Variants in TIAM1 observed in about 807,000 individuals in gnomAD.
The protein encoded by TIAM1 is rho guanine nucleotide exchange factor TIAM1.
Under a neutral mutation model 163.5 loss-of-function variants are expected in TIAM1, and 65 were observed. The observed-to-expected ratio is 0.40, with a 90% CI of 0.33 to 0.49. The LOEUF is 0.49. TIAM1 is among the 20% of genes least tolerant of loss of function. The pLI is 0.77. For missense variants in TIAM1, 1,789 were observed against 2,044.7 expected, an observed-to-expected ratio of 0.87 and a Z score of 2.41; for synonymous variants, 833 against 810.1, an observed-to-expected ratio of 1.03 and a Z score of -0.48.
At chr21:31,233,329 GA>G (rs1458449661) in intron 6 of TIAM1, among the ~76,000 whole-genome samples, 1 of 152,168 alleles carries the variant, frequency 6.6e-6, no homozygotes, top group Non-Finnish European at 1.5e-5. Context: ...TGTGAATTCT[GA>G]AAAGGCTTTT....
At chr21:31,289,305 C>A (rs1277866292) in intron 2 of TIAM1, among the ~76,000 whole-genome samples, 1 of 152,102 alleles carries the variant, frequency 6.6e-6, no homozygotes. Flanking sequence ...AGTGACTTGG[C>A]CCAACTCTCC....
Position 31,274,591 on chromosome 21 carries a change from C to G in TIAM1, c.-12+2141G>C, listed in dbSNP as rs755149895. On this transcript the variant is annotated intron_variant, in intron 3 of 27. Transcript: ENST00000541036. ...GACAGCAGGACAGGATGCCTCACCC[C>G]CTAGCTGAAGAACAGGAAACTTCCA... 3.9e-5 allele frequency among the ~76,000 whole-genome samples: 6 copies of G among 152,296 alleles called. No individual in the cohort carries two copies. The East Asian group carries it at 5.8e-4, about 15-fold the overall frequency.
chr21:31,404,916 T>G (rs2077222330), intron 2 of TIAM1, among the ~76,000 whole-genome samples: 1 of 152,168 alleles, frequency 6.6e-6, no homozygotes, highest in Non-Finnish European at 1.5e-5. Context: ...CTGTTCCTCC[T>G]AGATCCTAAT....
chr21:31,442,070 A>ATATATATATATATATATATATATATATAT (rs2044441960), intron 2 of TIAM1, among the ~76,000 whole-genome samples: 15 of 53,228 alleles, frequency 2.8e-4, no homozygotes, highest in African/African-American at 4.7e-4. Context: ...CAAATAAATA[A>ATATATATATATATATATATATATATATAT]ATATATATAT....
intron 15 of TIAM1, among the ~76,000 whole-genome samples, chr21:31,178,332 G>A (rs1333553902): frequency 1.8e-5 from 2 of 110,308 alleles, no homozygotes; most frequent in African/African-American, 3.2e-5. Context: ...TTTTTGAGAC[G>A]GAGTCTCGCT....
intron 25 of TIAM1, among the ~76,000 whole-genome samples, chr21:31,128,946 A>C (rs1696452287): frequency 1.4e-5 from 2 of 140,158 alleles, no homozygotes; most frequent in South Asian, 2.3e-4. Flanking sequence ...ATCCAGTTTT[A>C]CTGCTTATGA....
chr21:31,353,755 A>G (rs2076270642), intron 2 of TIAM1, among the ~76,000 whole-genome samples: 1 of 151,202 alleles, frequency 6.6e-6, no homozygotes, highest in African/African-American at 2.4e-5. Flanking sequence ...TCACTACTGC[A>G]TTTGGGCTAC....
At chr21:31,378,549 AG>A (rs1177222715) in intron 2 of TIAM1, among the ~76,000 whole-genome samples, 1 of 152,200 alleles carries the variant, frequency 6.6e-6, no homozygotes, top group Non-Finnish European at 1.5e-5. Flanking sequence ...CAAATCCGCA[AG>A]GATCCCTGCT....
chr21:31,255,129 T>C (rs1390356269), intron 4 of TIAM1, among the ~76,000 whole-genome samples: 1 of 152,150 alleles, frequency 6.6e-6, no homozygotes, highest in Non-Finnish European at 1.5e-5. Flanking sequence ...AAGGAAGTGA[T>C]TACTCCAGGT....
chr21:31,388,535 A>G (rs977751689), intron 2 of TIAM1, among the ~76,000 whole-genome samples: 4 of 152,090 alleles, frequency 2.6e-5, no homozygotes, highest in African/African-American at 9.7e-5. Flanking sequence ...ATGCACACCT[A>G]TAGTCCCAGC....
intron 1 of TIAM1, among the ~76,000 whole-genome samples, chr21:31,512,142 G>A (rs1012233178): frequency 6.6e-6 from 1 of 151,970 alleles, no homozygotes; most frequent in African/African-American, 2.4e-5. Flanking sequence ...TGTTGCCCAG[G>A]CTGGAGTACA....
intron 2 of TIAM1, among the ~76,000 whole-genome samples, chr21:31,329,387 C>T (rs554514740): frequency 2.0e-5 from 3 of 152,320 alleles, no homozygotes; most frequent in African/African-American, 4.8e-5. Context: ...TGCTCACTTT[C>T]GTGCTAAGGT....
intron 2 of TIAM1, among the ~76,000 whole-genome samples, chr21:31,422,007 G>A (rs2043593981): frequency 6.6e-6 from 1 of 151,990 alleles, no homozygotes; most frequent in South Asian, 2.1e-4. Context: ...CTAGATAGGT[G>A]ACAGAATGAC....
chr21:31,199,924 A>AC (rs948216654), intron 12 of TIAM1, among the ~76,000 whole-genome samples: 26 of 151,152 alleles, frequency 1.7e-4, no homozygotes, highest in East Asian at 5.8e-4. Context: ...AAAAAAAAAA[A>AC]ACACACAAAA....
chr21:31,334,228 T>C (rs1422895091), intron 2 of TIAM1, among the ~76,000 whole-genome samples: 1 of 152,062 alleles, frequency 6.6e-6, no homozygotes, highest in African/African-American at 2.4e-5. Context: ...TGAAGAGGGA[T>C]TCTGCTGCCT....
chr21:31,418,485 C>T (rs1323754988), intron 2 of TIAM1, among the ~76,000 whole-genome samples: 1 of 151,856 alleles, frequency 6.6e-6, no homozygotes, highest in Non-Finnish European at 1.5e-5. Flanking sequence ...CACCAGCTAC[C>T]AACTTGGATT....
chr21:31,297,450 A>C (rs1264908031), intron 2 of TIAM1, among the ~76,000 whole-genome samples: 2 of 152,222 alleles, frequency 1.3e-5, no homozygotes, highest in Non-Finnish European at 2.9e-5. Context: ...GCTGGAGTGC[A>C]ATGGCGAGAT....
upstream of TIAM1, among the ~76,000 whole-genome samples, chr21:31,345,491 C>T (rs1413907818): frequency 1.3e-5 from 2 of 150,824 alleles, no homozygotes; most frequent in Non-Finnish European, 2.9e-5. Context: ...CGGATTCACA[C>T]ATATATATAT....
chr21:31,210,207 T>C lies in TIAM1; in HGVS notation c.2226A>G (p.Lys742=). Residue 742 remains lysine (K), a synonymous_variant, in exon 11 of 28, where the codon AAA becomes AAG. Transcript: ENST00000541036. ...DDIVPDGKRE[K]EVVLPNVHQH... is the part of the protein sequence containing the mutation. ...GGTGAACGTTAGGTAAGACCACTTC[T>C]TTCTCCCTCTATAACAAGAAATAAA... 6.2e-7 allele frequency: 1 copy of C among 1,613,996 alleles called. No individual in the cohort carries two copies. The highest frequency in any genetic ancestry group is 8.5e-7 in the Non-Finnish European group (1 of 1,180,000).
Sources: allele counts gnomAD v4.1 joint callset (sites outside exome capture counted in the v4.1 genomes callset), GRCh38; gene constraint gnomAD v4.1.1; transcripts MANE v1.5; gene names NCBI Gene and HGNC (gene_info 2026-07-23, HGNC 2026-07-21).